Variants in ARHGAP21 observed in about 807,000 individuals in gnomAD.
ARHGAP21 encodes the protein rho GTPase-activating protein 21.
A neutral mutation model predicts 164.6 loss-of-function variants in ARHGAP21; 38 were observed. The observed-to-expected ratio is 0.23, with a 90% CI of 0.18 to 0.30. The LOEUF (loss-of-function observed/expected upper bound fraction) is 0.30, where lower values mean the gene tolerates loss of function less well. ARHGAP21 is among the 10% of genes least tolerant of loss of function. The probability of loss-of-function intolerance (pLI) is 1.00; values close to 1 mark genes in which losing one functional copy is unlikely to be tolerated. For synonymous variants in ARHGAP21, 766 were observed against 857.9 expected (o/e 0.89, Z 1.87); for missense variants, 1,822 against 2,370.7 (o/e 0.77, Z 4.81).
At chr10:24,628,887 A>G (rs1835452348) in intron 7 of ARHGAP21, 1 of 112,400 alleles carries the variant, frequency 8.9e-6, no homozygotes, top group African/African-American at 3.6e-5. Context: ...ATATACACAT[A>G]TATATACATA....
In ARHGAP21 at chr10:24,664,372, T is replaced by C. The variant is rs564807317; in HGVS notation, c.268+2613A>G. Among the ~76,000 whole-genome samples the C allele has an allele frequency of 2.6e-3, 400 of 151,990 alleles. No individual in the cohort carries two copies. The Middle Eastern group carries it at 0.027, about 10-fold the overall frequency. On this transcript the variant is annotated intron_variant, in intron 4 of 25. Coordinates refer to ENST00000396432, the MANE Select transcript of ARHGAP21 (RefSeq NM_020824.4). Reference sequence around the variant, plus strand: ...GAGACAGAGACCATCCTGGCCAACATGGTGAAACCCCGTTTCTACTAAAAA... The same window carrying C: ...GAGACAGAGACCATCCTGGCCAACACGGTGAAACCCCGTTTCTACTAAAAA...
chr10:24,675,063 C>T (rs577535645), intron 2 of ARHGAP21, among the ~76,000 whole-genome samples: 2 of 152,272 alleles, frequency 1.3e-5, no homozygotes, highest in South Asian at 2.1e-4. Context: ...CCATATGACA[C>T]CGCCATTCTA....
intron 2 of ARHGAP21, among the ~76,000 whole-genome samples, chr10:24,714,900 G>A (rs1247934397): frequency 6.6e-6 from 1 of 151,838 alleles, no homozygotes; most frequent in African/African-American, 2.4e-5. Flanking sequence ...CATGGTGGCG[G>A]GCGCCTGTAG....
chr10:24,671,785 T>G (rs1298947469), intron 2 of ARHGAP21, among the ~76,000 whole-genome samples: 1 of 151,052 alleles, frequency 6.6e-6, no homozygotes, highest in East Asian at 1.9e-4. Context: ...TGCAGTGCCA[T>G]GATCATAGTT....
intron 24 of ARHGAP21, chr10:24,589,572 C>T: frequency 2.6e-6 from 1 of 384,728 alleles, no homozygotes; most frequent in Non-Finnish European, 4.6e-6. Flanking sequence ...CAGAAACACT[C>T]GTGTTTATTA....
intron 9 of ARHGAP21, among the ~76,000 whole-genome samples, chr10:24,615,267 A>G (rs1316910249): frequency 1.3e-5 from 2 of 152,218 alleles, no homozygotes; most frequent in Non-Finnish European, 2.9e-5. Flanking sequence ...TTGGTGGAAC[A>G]TTTTTGTTAA....
intron 6 of ARHGAP21, among the ~76,000 whole-genome samples, chr10:24,632,506 T>C (rs980813310): frequency 6.6e-6 from 1 of 152,228 alleles, no homozygotes; most frequent in Non-Finnish European, 1.5e-5. Flanking sequence ...CAATTAATCA[T>C]GACCATGTCA....
At chr10:24,601,029 TAAC>T in intron 13 of ARHGAP21, 99 bp from the exon 14 acceptor site, 1 of 1,371,834 alleles carries the variant, frequency 7.3e-7, no homozygotes, top group South Asian at 1.4e-5. Flanking sequence ...CATTTACATA[TAAC>T]TAGTGTAGCA....
chr10:24,688,111 C>G (rs891799248), intron 2 of ARHGAP21, among the ~76,000 whole-genome samples: 2 of 152,162 alleles, frequency 1.3e-5, no homozygotes, highest in Non-Finnish European at 2.9e-5. Context: ...AATTTGGTGG[C>G]CAGGTGGAGT....
At chr10:24,613,428 A>G (rs982698741) in intron 9 of ARHGAP21, among the ~76,000 whole-genome samples, 5 of 152,314 alleles carry the variant, frequency 3.3e-5, no homozygotes, top group Non-Finnish European at 7.4e-5. Flanking sequence ...TAATTATCGT[A>G]ACTGGAATTC....
intron 4 of ARHGAP21, among the ~76,000 whole-genome samples, chr10:24,654,138 G>C (rs1838527588): frequency 6.6e-6 from 1 of 152,092 alleles, no homozygotes. Flanking sequence ...AAAATAATAA[G>C]AGCTATTTAT....
At chr10:24,706,423 T>C (rs11014206) in intron 2 of ARHGAP21, 1 of 152,500 alleles carries the variant, frequency 6.6e-6, no homozygotes, top group Non-Finnish European at 1.5e-5. Context: ...GAAGACAGTG[T>C]TTTTATATCC....
chr10:24,656,567 G>A (rs1414842519), intron 4 of ARHGAP21, among the ~76,000 whole-genome samples: 1 of 95,144 alleles, frequency 1.1e-5, no homozygotes, highest in Non-Finnish European at 2.2e-5. Context: ...GAGGGAGGTG[G>A]GGGGGGTCAG....
At chr10:24,634,861 A>C (rs1836211028) in intron 5 of ARHGAP21, 150 bp downstream of exon 5, 2 of 536,312 alleles carry the variant, frequency 3.7e-6, no homozygotes, top group Non-Finnish European at 6.3e-6. Flanking sequence ...AAGAAACATA[A>C]TTAGTTCTCA....
At chr10:24,652,213 T>C (rs1277276888) in intron 4 of ARHGAP21, among the ~76,000 whole-genome samples, 1 of 152,224 alleles carries the variant, frequency 6.6e-6, no homozygotes, top group Non-Finnish European at 1.5e-5. Flanking sequence ...ACATACAATT[T>C]ATGATCAAGG....
rs1479140612 is a variant in ARHGAP21 at position 24,722,182 on chromosome 10, A to G, written c.-283T>C. The G allele has an allele frequency of 1.1e-5, 5 of 465,840 alleles. No homozygotes were observed. The highest frequency in any genetic ancestry group is 6.7e-5 in the Admixed American group (2 of 29,866). 28.9% of individuals were successfully genotyped at this position (465,840 alleles called of 1,614,324 possible). ...TTCTTGGCAGCCAGTGTCGAGGCCA[A>G]TTGCAGAAAGCGGTCCCCTTCTTCC... is the stretch of plus-strand genomic sequence containing the variant. On this transcript the variant is annotated 5_prime_UTR_variant, in exon 2 of 26. Transcript: ENST00000396432.
intron 2 of ARHGAP21, among the ~76,000 whole-genome samples, chr10:24,670,880 C>T (rs1840634092): frequency 1.3e-5 from 2 of 152,118 alleles, no homozygotes. Context: ...ATTCAATATC[C>T]ACATAGATAA....
At chr10:24,601,303 T>G (rs1400586996) in intron 13 of ARHGAP21, among the ~76,000 whole-genome samples, 1 of 152,238 alleles carries the variant, frequency 6.6e-6, no homozygotes, top group Non-Finnish European at 1.5e-5. Context: ...AGCACACAAA[T>G]GACAGATACT....
intron 2 of ARHGAP21, among the ~76,000 whole-genome samples, chr10:24,709,666 C>T (rs1186963749): frequency 2.6e-5 from 4 of 151,400 alleles, no homozygotes; most frequent in African/African-American, 9.7e-5. Context: ...TTGAGGCCAG[C>T]AGGTCGAGGC....
Sources: allele counts gnomAD v4.1 joint callset (sites outside exome capture counted in the v4.1 genomes callset), GRCh38; gene constraint gnomAD v4.1.1; transcripts MANE v1.5; gene names NCBI Gene and HGNC (gene_info 2026-07-23, HGNC 2026-07-21).